TNFSF4: variants seen among roughly 807,000 people sequenced by gnomAD.
The protein encoded by TNFSF4 is TNF superfamily member 4.
Under a neutral mutation model 7.3 loss-of-function variants are expected in TNFSF4, and 4 were observed. That is an observed-to-expected ratio of 0.55 (90% CI 0.27 to 1.25). The LOEUF (loss-of-function observed/expected upper bound fraction) is 1.25. Among genes scored for constraint, TNFSF4 ranks in the 50% most tolerant of loss-of-function variants. TNFSF4 has a pLI of 0.12. For synonymous variants in TNFSF4, 76 were observed against 83.7 expected, an observed-to-expected ratio of 0.91 and a Z score of 0.50; for missense variants, 181 against 208.8, an observed-to-expected ratio of 0.87 and a Z score of 0.82.
intron 1 of TNFSF4, among the ~76,000 whole-genome samples, chr1:173,189,004 C>T (rs1293326048): frequency 6.6e-6 from 1 of 152,180 alleles, no homozygotes; most frequent in Non-Finnish European, 1.5e-5. Context: ...GGATTACAGG[C>T]ATGAGTCGCC....
chr1:173,235,870 G>A, the TNFSF4 span, among the ~76,000 whole-genome samples: 2 of 152,088 alleles, frequency 1.3e-5, no homozygotes, highest in African/African-American at 2.4e-5. Flanking sequence ...CATCTTGCTG[G>A]ACTTAATGCC....
the TNFSF4 span, among the ~76,000 whole-genome samples, chr1:173,394,951 C>T: frequency 2.6e-3 from 350 of 135,316 alleles, 3 homozygotes; most frequent in Middle Eastern, 0.012. Context: ...GATAGACAGA[C>T]AGACAGACAG....
chr1:173,216,664 C>A, the TNFSF4 span, among the ~76,000 whole-genome samples: 1 of 152,096 alleles, frequency 6.6e-6, no homozygotes, highest in African/African-American at 2.4e-5. Context: ...ACACTCATTA[C>A]CACTGTATAC....
chr1:173,220,400 A>G, the TNFSF4 span, among the ~76,000 whole-genome samples: 3 of 152,216 alleles, frequency 2.0e-5, no homozygotes, highest in African/African-American at 7.2e-5. Context: ...AAAACTATTT[A>G]TTCAGTTCCT....
the TNFSF4 span, among the ~76,000 whole-genome samples, chr1:173,403,369 A>G: frequency 6.6e-6 from 1 of 152,174 alleles, no homozygotes; most frequent in Non-Finnish European, 1.5e-5. Context: ...ACATAGATGC[A>G]TTTTTATGCT....
the TNFSF4 span, among the ~76,000 whole-genome samples, chr1:173,410,605 T>C: frequency 3.3e-5 from 5 of 152,186 alleles, no homozygotes; most frequent in Non-Finnish European, 7.3e-5. Context: ...TAAAGGGACT[T>C]GGTCATAGGA....
chr1:173,205,468 C>A, intron 1 of TNFSF4: 1 of 1,520,998 alleles, frequency 6.6e-7, no homozygotes, highest in Admixed American at 1.9e-5. Flanking sequence ...CACCAGCAAG[C>A]TGTACAACTG....
At chr1:173,239,887 C>G in the TNFSF4 span, among the ~76,000 whole-genome samples, 16 of 152,106 alleles carry the variant, frequency 1.1e-4, no homozygotes, top group African/African-American at 3.9e-4. Flanking sequence ...AAACAATTAG[C>G]CAGGTTTGGT....
chr1:173,250,815 G>A, the TNFSF4 span, among the ~76,000 whole-genome samples: 1 of 152,176 alleles, frequency 6.6e-6, no homozygotes, highest in Non-Finnish European at 1.5e-5. Flanking sequence ...TGAAGGGAGA[G>A]AAGTAGTATG....
the TNFSF4 span, among the ~76,000 whole-genome samples, chr1:173,225,320 T>G: frequency 3.3e-5 from 5 of 152,182 alleles, no homozygotes; most frequent in African/African-American, 1.2e-4. Flanking sequence ...AATTCTCAAT[T>G]TTCATAGGTT....
the TNFSF4 span, among the ~76,000 whole-genome samples, chr1:173,406,742 C>T: frequency 2.0e-5 from 3 of 152,318 alleles, no homozygotes; most frequent in South Asian, 4.1e-4. Flanking sequence ...GCGACAGTCT[C>T]TGTCTTCCTG....
At chr1:173,425,580 G>A in the TNFSF4 span, among the ~76,000 whole-genome samples, 111 of 152,338 alleles carry the variant, frequency 7.3e-4, no homozygotes, top group African/African-American at 2.6e-3. Context: ...AAGAAGAGCA[G>A]ATTTAGAAGC....
chr1:173,394,917 T>C, the TNFSF4 span, among the ~76,000 whole-genome samples: 3 of 143,856 alleles, frequency 2.1e-5, no homozygotes, highest in African/African-American at 8.2e-5. Context: ...TTTAGATAGA[T>C]AGAGATAGAT....
the TNFSF4 span, among the ~76,000 whole-genome samples, chr1:173,243,006 G>GC: frequency 2.8e-4 from 12 of 42,380 alleles, 3 homozygotes; most frequent in South Asian, 8.8e-3. Flanking sequence ...TTGGTGGGTG[G>GC]GGGGGGGGGG....
chr1:173,307,048 T>G, the TNFSF4 span, among the ~76,000 whole-genome samples: 3 of 151,930 alleles, frequency 2.0e-5, no homozygotes, highest in African/African-American at 7.2e-5. Context: ...ATGATCAGTT[T>G]TGGCAACCTC....
At chr1:173,348,277 G>C in the TNFSF4 span, among the ~76,000 whole-genome samples, 139 of 152,238 alleles carry the variant, frequency 9.1e-4, no homozygotes, top group African/African-American at 3.2e-3. Context: ...AGTCTCATGA[G>C]ATCTGATCGT....
the TNFSF4 span, among the ~76,000 whole-genome samples, chr1:173,238,956 A>C: frequency 6.6e-6 from 1 of 152,154 alleles, no homozygotes; most frequent in African/African-American, 2.4e-5. Flanking sequence ...GCATCATTCT[A>C]ATTCAAACTC....
At chr1:173,427,386 A>G in the TNFSF4 span, among the ~76,000 whole-genome samples, 1 of 152,186 alleles carries the variant, frequency 6.6e-6, no homozygotes, top group Non-Finnish European at 1.5e-5. Flanking sequence ...GGATGCTGCT[A>G]AACATTCCAC....
the TNFSF4 span, among the ~76,000 whole-genome samples, chr1:173,376,744 A>C: frequency 6.6e-6 from 1 of 152,254 alleles, no homozygotes; most frequent in Non-Finnish European, 1.5e-5. Flanking sequence ...CTGAGCCAGC[A>C]GCTGCAACCA....
Sources: allele counts gnomAD v4.1 joint callset (sites outside exome capture counted in the v4.1 genomes callset), GRCh38; gene constraint gnomAD v4.1.1; transcripts MANE v1.5; gene names NCBI Gene and HGNC (gene_info 2026-07-23, HGNC 2026-07-21).